Variants in TAFA2 observed in about 807,000 individuals in gnomAD.
The protein encoded by TAFA2 is TAFA chemokine like family member 2, also known as chemokine-like protein TAFA-2.
In TAFA2, 7 loss-of-function variants were observed where a neutral mutation model predicts 18.8. That is an observed-to-expected ratio of 0.37 (90% CI 0.21 to 0.70). The LOEUF is 0.70. Ranked by LOEUF, TAFA2 falls within the 30% of genes least tolerant of loss-of-function variation. The pLI, the probability that TAFA2 is intolerant of heterozygous loss-of-function variation, is 0.53. For missense variants in TAFA2, 122 were observed against 158.1 expected, an observed-to-expected ratio of 0.77 and a Z score of 1.23; for synonymous variants, 60 against 54.2, an observed-to-expected ratio of 1.11 and a Z score of -0.47.
At chr12:61,715,642 G>A (rs1477954018) in intron 4 of TAFA2, among the ~76,000 whole-genome samples, 7 of 151,534 alleles carry the variant, frequency 4.6e-5, no homozygotes, top group Non-Finnish European at 7.4e-5. Context: ...ATGAGCCACC[G>A]CGCCCAGCCA....
At chr12:61,865,031 A>G (rs923506161) in intron 2 of TAFA2, among the ~76,000 whole-genome samples, 3 of 152,182 alleles carry the variant, frequency 2.0e-5, no homozygotes, top group African/African-American at 7.2e-5. Context: ...TTGGTAGCCA[A>G]ACATTCCATA....
chr12:61,725,371 A>G (rs894293181), intron 4 of TAFA2, among the ~76,000 whole-genome samples: 3 of 151,936 alleles, frequency 2.0e-5, no homozygotes, highest in Non-Finnish European at 4.4e-5. Context: ...GCTGGTGTCT[A>G]TAAGAGTTTT....
chr12:62,234,639 T>C lies in TAFA2; in HGVS notation c.-130+24124A>G. On this transcript the variant is annotated intron_variant, in intron 1 of 5. Coordinates refer to the TAFA2 transcript ENST00000551619. ...CCTCTCACCCATGTGCTTGCACTGG[T>C]GGCTAACAAGGTAGGAGCGTTTGGT... The C allele has an allele frequency of 3.5e-6, 3 of 849,216 alleles. No individual in the cohort carries two copies. In the South Asian group the frequency reaches 4.1e-5, roughly 12 times the overall value. 52.6% of individuals were successfully genotyped at this position (849,216 alleles called of 1,614,324 possible).
chr12:62,166,315 G>A (rs750460402), intron 1 of TAFA2, among the ~76,000 whole-genome samples: 32 of 152,138 alleles, frequency 2.1e-4, no homozygotes, highest in Non-Finnish European at 4.1e-4. Context: ...CACTGCTGGT[G>A]TTAACACAAA....
At chr12:62,042,210 A>G (rs931464618) in intron 1 of TAFA2, among the ~76,000 whole-genome samples, 2 of 151,826 alleles carry the variant, frequency 1.3e-5, no homozygotes, top group Non-Finnish European at 2.9e-5. Flanking sequence ...CTACAAGCAA[A>G]AGCACGTAAA....
At chr12:61,891,231 A>G (rs1339151367) in intron 1 of TAFA2, among the ~76,000 whole-genome samples, 1 of 152,218 alleles carries the variant, frequency 6.6e-6, no homozygotes, top group Non-Finnish European at 1.5e-5. Flanking sequence ...TCAGCCAAAT[A>G]AACCAGCTGT....
rs188301132 is a variant in TAFA2 at position 61,907,704 on chromosome 12, A to C, written c.-1-40278T>G. Reference sequence around the variant, plus strand: ...GTATCCACCGACAGTTGTAGCATGCACCTGAAAAAGCTGCAGACACTCAAC... The same window carrying C: ...GTATCCACCGACAGTTGTAGCATGCCCCTGAAAAAGCTGCAGACACTCAAC... On this transcript the variant is annotated intron_variant, in intron 1 of 4. Coordinates refer to ENST00000416284, the MANE Select transcript of TAFA2 (RefSeq NM_178539.5). Among the ~76,000 whole-genome samples, 454 of 152,226 alleles carry C rather than the reference A, an allele frequency of 3.0e-3. 2 individuals carry two copies. Among genetic ancestry groups the C allele is most frequent in the Non-Finnish European group, 4.1e-3 (276 of 68,020 alleles).
At chr12:62,003,962 C>T (rs17125631) in intron 1 of TAFA2, among the ~76,000 whole-genome samples, 19,814 of 151,966 alleles carry the variant, frequency 0.13, 1,570 homozygotes, top group African/African-American at 0.21. Context: ...CATATGTTAC[C>T]GTCTAAAAGT....
intron 1 of TAFA2, among the ~76,000 whole-genome samples, chr12:62,049,069 A>T (rs1455127011): frequency 6.6e-6 from 1 of 152,174 alleles, no homozygotes; most frequent in African/African-American, 2.4e-5. Flanking sequence ...ATGAAAGAAT[A>T]CTTTGATAAG....
chr12:62,035,555 T>TA (rs59314641), intron 1 of TAFA2, among the ~76,000 whole-genome samples: 3,824 of 143,656 alleles, frequency 0.027, 137 homozygotes, highest in African/African-American at 0.083. Flanking sequence ...TAAAAAAAAT[T>TA]AAAAAAAAAA....
At chr12:61,885,779 C>T (rs1875347954) in intron 1 of TAFA2, among the ~76,000 whole-genome samples, 1 of 152,164 alleles carries the variant, frequency 6.6e-6, no homozygotes, top group South Asian at 2.1e-4. Context: ...TCTTTTCCTC[C>T]ATTCACGCCA....
At chr12:61,820,242 G>A (rs140469653) in intron 2 of TAFA2, among the ~76,000 whole-genome samples, 9 of 151,994 alleles carry the variant, frequency 5.9e-5, no homozygotes, top group African/African-American at 2.2e-4. Flanking sequence ...TAAAATGGTG[G>A]TGTGGGGATG....
At chr12:61,880,539 T>G in intron 1 of TAFA2, 1 of 504,132 alleles carries the variant, frequency 2.0e-6, no homozygotes. Context: ...GAGTCTAGGA[T>G]GCAGAACATG....
intron 2 of TAFA2, among the ~76,000 whole-genome samples, chr12:61,792,808 T>C (rs934526739): frequency 1.3e-5 from 2 of 151,216 alleles, no homozygotes; most frequent in African/African-American, 4.8e-5. Flanking sequence ...AAAGATAAAA[T>C]CACTATTATA....
chr12:61,836,824 T>C (rs1164463920), intron 2 of TAFA2, among the ~76,000 whole-genome samples: 2 of 149,584 alleles, frequency 1.3e-5, no homozygotes, highest in Non-Finnish European at 3.0e-5. Context: ...ATAGTGAAAT[T>C]GAACCAGTGT....
chr12:62,253,022 T>C (rs1192633455), intron 1 of TAFA2: 1 of 152,222 alleles, frequency 6.6e-6, no homozygotes, highest in African/African-American at 2.4e-5. Flanking sequence ...CCTCCATGGA[T>C]GATTCTATAT....
At chr12:62,165,272 G>A (rs1349788963) in intron 1 of TAFA2, among the ~76,000 whole-genome samples, 2 of 151,780 alleles carry the variant, frequency 1.3e-5, no homozygotes, top group Non-Finnish European at 2.9e-5. Flanking sequence ...GCAACACCAC[G>A]CTAAACCAAC....
intron 1 of TAFA2, among the ~76,000 whole-genome samples, chr12:61,886,349 C>T (rs1875376399): frequency 6.6e-6 from 1 of 152,132 alleles, no homozygotes; most frequent in African/African-American, 2.4e-5. Flanking sequence ...TAAAAGACCT[C>T]ACTTTGTTCT....
intron 1 of TAFA2, among the ~76,000 whole-genome samples, chr12:62,038,522 G>T (rs890681900): frequency 3.9e-5 from 6 of 152,108 alleles, no homozygotes; most frequent in African/African-American, 1.4e-4. Context: ...AAATTTTACA[G>T]GAGGATATGC....
Sources: gnomAD v4.1 joint callset for allele counts (sites outside exome capture counted in the v4.1 genomes callset) on GRCh38, gnomAD v4.1.1 for gene constraint, MANE v1.5 for transcripts, NCBI Gene and HGNC (gene_info 2026-07-23, HGNC 2026-07-21) for gene names.